SLC22A9: variants seen among roughly 807,000 people sequenced by gnomAD.
The protein encoded by SLC22A9 is solute carrier family 22 member 9.
Under a neutral mutation model 50.1 loss-of-function variants are expected in SLC22A9, and 64 were observed. The ratio of observed to expected loss-of-function variants is 1.28; its 90% CI spans 1.04 to 1.57. The LOEUF (loss-of-function observed/expected upper bound fraction) is 1.57. Ranked by LOEUF, SLC22A9 falls within the 40% of genes most tolerant of loss-of-function variation. The probability of loss-of-function intolerance (pLI) is 0.00; values close to 1 mark genes in which losing one functional copy is unlikely to be tolerated. For synonymous variants in SLC22A9, 261 were observed against 242.5 expected (o/e 1.08, Z -0.71); for missense variants, 757 against 676.1 (o/e 1.12, Z -1.33).
intron 1 of SLC22A9, 69 bp from the exon 2 acceptor site, chr11:63,371,066 C>A: frequency 1.7e-6 from 2 of 1,160,132 alleles, no homozygotes; most frequent in Admixed American, 1.9e-5. Context: ...GCAGATCATG[C>A]TAAGAAGTTT....
At chr11:63,375,804 A>G in intron 5 of SLC22A9, 36 bp downstream of exon 5, 1 of 1,604,468 alleles carries the variant, frequency 6.2e-7, no homozygotes. Context: ...GGATGTAGGG[A>G]AGACATAACT....
chr11:63,390,298 T>A (rs1354058624), intron 6 of SLC22A9, among the ~76,000 whole-genome samples: 1 of 152,222 alleles, frequency 6.6e-6, no homozygotes, highest in Non-Finnish European at 1.5e-5. Flanking sequence ...CTAGGGTTTT[T>A]ATGGTTTTTG....
chr11:63,373,157 G>A (rs1476990913), intron 2 of SLC22A9, among the ~76,000 whole-genome samples: 5 of 122,612 alleles, frequency 4.1e-5, no homozygotes, highest in African/African-American at 1.5e-4. Flanking sequence ...GCCCTCCCCT[G>A]CAACACTTCA....
intron 6 of SLC22A9, among the ~76,000 whole-genome samples, chr11:63,383,288 C>A (rs1048125120): frequency 2.0e-5 from 3 of 152,128 alleles, no homozygotes; most frequent in Non-Finnish European, 4.4e-5. Flanking sequence ...GCCAATGGGA[C>A]TCCAGATACT....
At chr11:63,374,528 C>A (rs1050921028) in intron 4 of SLC22A9, among the ~76,000 whole-genome samples, 3 of 152,120 alleles carry the variant, frequency 2.0e-5, no homozygotes, top group Non-Finnish European at 4.4e-5. Context: ...TGCATCCATG[C>A]CACTGTGTTT....
intron 6 of SLC22A9, among the ~76,000 whole-genome samples, chr11:63,392,830 T>A (rs2014787352): frequency 6.6e-6 from 1 of 152,160 alleles, no homozygotes; most frequent in Non-Finnish European, 1.5e-5. Flanking sequence ...TCTCATTTTT[T>A]AAAATTCTTG....
At chr11:63,371,274 A>AT (rs755973571) in intron 2 of SLC22A9, 36 bp downstream of exon 2, 7 of 1,438,712 alleles carry the variant, frequency 4.9e-6, no homozygotes, top group Admixed American at 3.5e-5. Context: ...CTTTAAGGGC[A>AT]TTTTTTATCA....
intron 6 of SLC22A9, among the ~76,000 whole-genome samples, chr11:63,403,348 G>A (rs1183427351): frequency 6.6e-6 from 1 of 151,950 alleles, no homozygotes; most frequent in Non-Finnish European, 1.5e-5. Context: ...AAAAATAAAA[G>A]GCTAACAAAA....
intron 4 of SLC22A9, among the ~76,000 whole-genome samples, chr11:63,374,500 G>T (rs1216553552): frequency 6.6e-6 from 1 of 152,008 alleles, no homozygotes; most frequent in Non-Finnish European, 1.5e-5. Context: ...ACATTTTCCT[G>T]CTTAATAGAA....
In SLC22A9 at chr11:63,370,297, T is replaced by C. The variant is rs112075331; in HGVS notation, c.241T>C (p.Ser81Pro). 829 of 1,614,028 alleles carry C rather than the reference T, an allele frequency of 5.1e-4. 7 individuals are homozygous for C. In the African/African-American group the frequency reaches 6.2e-3, roughly 12 times the overall value. Reference protein sequence around the residue: ...ALLRISIPLDSNMRPEKCRRF... With the variant: ...ALLRISIPLDPNMRPEKCRRF... ...CTTGAGAATCTCCATCCCACTGGAC[T>C]CAAACATGAGGCCAGAGAAGTGTCG... The change falls in exon 1 of 10, where the codon TCA becomes CCA. Residue 81 changes from serine (S) to proline (P), a missense_variant. Coordinates refer to ENST00000279178, the MANE Select transcript of SLC22A9 (RefSeq NM_080866.3).
intron 6 of SLC22A9, among the ~76,000 whole-genome samples, chr11:63,384,697 A>G (rs1296544359): frequency 6.6e-6 from 1 of 152,166 alleles, no homozygotes; most frequent in East Asian, 1.9e-4. Flanking sequence ...TCCGTTCTAG[A>G]TCTTTGAGAA....
chr11:63,371,517 G>T (rs970382678), intron 2 of SLC22A9, among the ~76,000 whole-genome samples: 3 of 152,248 alleles, frequency 2.0e-5, no homozygotes, highest in South Asian at 2.1e-4. Flanking sequence ...ATATGAGAAA[G>T]AGTTAACTAA....
intron 6 of SLC22A9, among the ~76,000 whole-genome samples, chr11:63,389,178 TTTTTA>T (rs2014718618): frequency 6.6e-6 from 1 of 152,110 alleles, no homozygotes; most frequent in African/African-American, 2.4e-5. Flanking sequence ...TCTAATTTTT[TTTTTA>T]TTTTAAGTTC....
intron 7 of SLC22A9, among the ~76,000 whole-genome samples, chr11:63,407,720 A>G (rs558373734): frequency 5.3e-4 from 81 of 152,160 alleles, no homozygotes; most frequent in Non-Finnish European, 1.0e-3. Context: ...TTTAACGGCC[A>G]GGAGAACATG....
In SLC22A9 at chr11:63,370,417, G is replaced by A. The variant is rs1212319304; in HGVS notation, c.361G>A (p.Val121Met). Reference sequence around the variant, plus strand: ...CATGGAGCCCTGTGTGGATGGCTGGGTGTATGACAGAATCTCCTTCTCATC... The same window carrying A: ...CATGGAGCCCTGTGTGGATGGCTGGATGTATGACAGAATCTCCTTCTCATC... ...ADMEPCVDGW[V>M]YDRISFSSTI... Residue 121 changes from valine (V) to methionine (M), a missense_variant, in exon 1 of 10, where the codon GTG (valine) becomes ATG (methionine). By Grantham distance (21) the Val-to-Met change is conservative (BLOSUM62 1). Coordinates refer to ENST00000279178, the MANE Select transcript of SLC22A9 (RefSeq NM_080866.3). 1.2e-6 allele frequency: 2 copies of A among 1,606,728 alleles called. No homozygotes were observed. The highest frequency in any genetic ancestry group is 1.3e-5 in the African/African-American group (1 of 74,702).
intron 5 of SLC22A9, among the ~76,000 whole-genome samples, chr11:63,377,215 GA>G (rs1369030957): frequency 6.6e-6 from 1 of 151,920 alleles, no homozygotes; most frequent in African/African-American, 2.4e-5. Context: ...GATATCTAAG[GA>G]ACACTCCACC....
chr11:63,385,391 C>T (rs2014647918), intron 6 of SLC22A9, among the ~76,000 whole-genome samples: 1 of 151,960 alleles, frequency 6.6e-6, no homozygotes, highest in Non-Finnish European at 1.5e-5. Context: ...GGCAGTATGG[C>T]CATTTTCACG....
At chr11:63,380,032 A>C (rs982924743) in intron 5 of SLC22A9, among the ~76,000 whole-genome samples, 1 of 151,676 alleles carries the variant, frequency 6.6e-6, no homozygotes. Flanking sequence ...GTGCCCGGCC[A>C]AACAAACACT....
chr11:63,386,041 T>A (rs2014659652), intron 6 of SLC22A9, among the ~76,000 whole-genome samples: 1 of 152,164 alleles, frequency 6.6e-6, no homozygotes, highest in Non-Finnish European at 1.5e-5. Flanking sequence ...CTGTGTCTAT[T>A]GAGATAATCA....
Sources: allele counts gnomAD v4.1 joint callset (sites outside exome capture counted in the v4.1 genomes callset), GRCh38; gene constraint gnomAD v4.1.1; transcripts MANE v1.5; gene names NCBI Gene and HGNC (gene_info 2026-07-23, HGNC 2026-07-21).